ANO3: variants seen among roughly 807,000 people sequenced by gnomAD.
ANO3 encodes anoctamin 3, also known as anoctamin-3.
A neutral mutation model predicts 144.8 loss-of-function variants in ANO3; 99 were observed. The ratio of observed to expected loss-of-function variants is 0.68; its 90% CI spans 0.58 to 0.81. The LOEUF (loss-of-function observed/expected upper bound fraction) is 0.81. Ranked by LOEUF, ANO3 falls within the 30% of genes least tolerant of loss-of-function variation. The probability of loss-of-function intolerance (pLI) is 0.00; values close to 1 mark genes in which losing one functional copy is unlikely to be tolerated. For missense variants in ANO3, 905 were observed against 1,202.2 expected (o/e 0.75, Z 3.66); for synonymous variants, 414 against 392.6 (o/e 1.05, Z -0.64).
At chr11:26,544,281 T>TATATATATATATATATATAC (rs1849729404) in intron 11 of ANO3, among the ~76,000 whole-genome samples, 1 of 86,986 alleles carries the variant, frequency 1.1e-5, no homozygotes, top group African/African-American at 3.9e-5. Flanking sequence ...TATACACACA[T>TATATATATATATATATATAC]ACACACACAC....
At chr11:26,492,640 A>C (rs1242171546) in intron 4 of ANO3, among the ~76,000 whole-genome samples, 3 of 152,234 alleles carry the variant, frequency 2.0e-5, no homozygotes, top group Non-Finnish European at 4.4e-5. Context: ...TTAATTGCCC[A>C]ATCATTTTTA....
chr11:26,335,567 C>T (rs1182555296), intron 1 of ANO3, among the ~76,000 whole-genome samples: 2 of 152,090 alleles, frequency 1.3e-5, no homozygotes, highest in Non-Finnish European at 2.9e-5. Flanking sequence ...AAAAAATTCC[C>T]ATAGAAATTT....
At chr11:26,444,366 A>G (rs1858631788) in intron 3 of ANO3, among the ~76,000 whole-genome samples, 1 of 152,166 alleles carries the variant, frequency 6.6e-6, no homozygotes, top group Non-Finnish European at 1.5e-5. Context: ...TTTCATTTTC[A>G]TGAATTAAAT....
At chr11:26,421,862 G>T (rs1465581917) in intron 1 of ANO3, among the ~76,000 whole-genome samples, 2 of 151,924 alleles carry the variant, frequency 1.3e-5, no homozygotes, top group Non-Finnish European at 2.9e-5. Context: ...ACCAAATATC[G>T]CATGTTCTCA....
chr11:26,225,103 T>C (rs1388123305), intron 1 of ANO3, among the ~76,000 whole-genome samples: 1 of 152,126 alleles, frequency 6.6e-6, no homozygotes, highest in Non-Finnish European at 1.5e-5. Flanking sequence ...ATCTGCATAA[T>C]CTTTTGTGTA....
chr11:26,236,736 T>C (rs1852535833), intron 1 of ANO3, among the ~76,000 whole-genome samples: 1 of 146,078 alleles, frequency 6.8e-6, no homozygotes, highest in African/African-American at 2.5e-5. Context: ...GAGAATGGCG[T>C]GAACCTGGGA....
intron 1 of ANO3, among the ~76,000 whole-genome samples, chr11:26,341,075 ACCTCC>A (rs1025065458): frequency 2.1e-5 from 3 of 142,268 alleles, no homozygotes; most frequent in South Asian, 2.3e-4. Flanking sequence ...TCTCTCCCTT[ACCTCC>A]CCTCCCCTCC....
intron 1 of ANO3, among the ~76,000 whole-genome samples, chr11:26,425,198 A>C (rs1857885109): frequency 6.6e-6 from 1 of 152,098 alleles, no homozygotes; most frequent in Non-Finnish European, 1.5e-5. Flanking sequence ...TCACACTGAC[A>C]ATTAATATAA....
At chr11:26,431,679 T>C (rs1028689259) in intron 1 of ANO3, among the ~76,000 whole-genome samples, 2 of 152,204 alleles carry the variant, frequency 1.3e-5, no homozygotes, top group Admixed American at 6.5e-5. Flanking sequence ...GTTAGACTGC[T>C]AAAAATGAGG....
At chr11:26,352,251 G>A (rs1347999226) in intron 1 of ANO3, among the ~76,000 whole-genome samples, 3 of 152,140 alleles carry the variant, frequency 2.0e-5, no homozygotes, top group South Asian at 2.1e-4. Flanking sequence ...CGACCCTGTC[G>A]CTGAACTGGC....
intron 17 of ANO3, among the ~76,000 whole-genome samples, chr11:26,622,051 G>A (rs959575051): frequency 1.3e-5 from 2 of 152,112 alleles, no homozygotes; most frequent in African/African-American, 4.8e-5. Flanking sequence ...ATTTATTTTT[G>A]TAGTCTGTAG....
At chr11:26,333,675 C>T (rs921152371) in intron 1 of ANO3, among the ~76,000 whole-genome samples, 1 of 152,142 alleles carries the variant, frequency 6.6e-6, no homozygotes, top group Admixed American at 6.5e-5. Context: ...ATGGGACTGA[C>T]TGAGTTTCCA....
At chr11:26,546,368 T>C (rs143460769) in intron 11 of ANO3, among the ~76,000 whole-genome samples, 40 of 152,060 alleles carry the variant, frequency 2.6e-4, no homozygotes, top group Admixed American at 7.2e-4. Context: ...AAAGATTTAA[T>C]TGGCACAACA....
chr11:26,235,243 T>A (rs1185143807), intron 1 of ANO3, among the ~76,000 whole-genome samples: 1 of 152,216 alleles, frequency 6.6e-6, no homozygotes, highest in Admixed American at 6.5e-5. Context: ...GTCAAGTCTA[T>A]GACTAAACTA....
At chr11:26,612,398 C>G (rs1297891005) in intron 17 of ANO3, among the ~76,000 whole-genome samples, 1 of 151,294 alleles carries the variant, frequency 6.6e-6, no homozygotes, top group African/African-American at 2.4e-5. Flanking sequence ...CTTTCCCTCC[C>G]CCTACAATTT....
At chr11:26,200,115 C>T (rs763017335) in intron 1 of ANO3, among the ~76,000 whole-genome samples, 9 of 152,176 alleles carry the variant, frequency 5.9e-5, no homozygotes, top group Admixed American at 2.6e-4. Flanking sequence ...ACCTGGGGAG[C>T]CTGAAAATGA....
intron 12 of ANO3, among the ~76,000 whole-genome samples, chr11:26,551,542 A>G (rs1472906059): frequency 1.3e-5 from 2 of 152,040 alleles, no homozygotes; most frequent in Admixed American, 1.3e-4. Flanking sequence ...AGCAGTAAAA[A>G]GATTCTGGAA....
intron 4 of ANO3, among the ~76,000 whole-genome samples, chr11:26,464,996 C>T (rs985080977): frequency 6.6e-6 from 1 of 151,540 alleles, no homozygotes; most frequent in Non-Finnish European, 1.5e-5. Flanking sequence ...AGACAATTTC[C>T]TTTGTGTACA....
intron 14 of ANO3, among the ~76,000 whole-genome samples, chr11:26,594,387 GA>G: frequency 6.6e-6 from 1 of 152,256 alleles, no homozygotes; most frequent in Non-Finnish European, 1.5e-5. Context: ...CTCTCATTTG[GA>G]GTTAGTGCCT....
Sources: allele counts gnomAD v4.1 joint callset (sites outside exome capture counted in the v4.1 genomes callset), GRCh38; gene constraint gnomAD v4.1.1; transcripts MANE v1.5; gene names NCBI Gene and HGNC (gene_info 2026-07-23, HGNC 2026-07-21).